Variants in VIPR2 observed in about 807,000 individuals in gnomAD.
The protein encoded by VIPR2 is vasoactive intestinal peptide receptor 2.
VIPR2 carries 48 observed loss-of-function variants against 58.0 expected under a neutral mutation model. The observed-to-expected ratio is 0.83, with a 90% confidence interval of 0.66 to 1.05. VIPR2 has a LOEUF of 1.05. Among genes scored for constraint, VIPR2 ranks in the 50% least tolerant of loss-of-function variants. The probability of loss-of-function intolerance (pLI) is 0.00; values close to 1 mark genes in which losing one functional copy is unlikely to be tolerated. For missense variants in VIPR2, 534 were observed against 558.0 expected (o/e 0.96, Z 0.43); for synonymous variants, 243 against 235.2 (o/e 1.03, Z -0.30).
chr7:159,032,210 G>GA (rs931957373), intron 10 of VIPR2, 143 bp from the exon 11 acceptor site: 43 of 1,190,394 alleles, frequency 3.6e-5, no homozygotes, highest in Admixed American at 2.7e-4. Context: ...CGCCCAACAA[G>GA]AAAAACCACT....
At chr7:159,061,512 G>T (rs1440129305) in intron 4 of VIPR2, among the ~76,000 whole-genome samples, 1 of 151,896 alleles carries the variant, frequency 6.6e-6, no homozygotes, top group East Asian at 1.9e-4. Context: ...AATTAGCCGG[G>T]TGTGGCTGTG....
At chr7:159,140,181 T>A (rs1454495558) in intron 2 of VIPR2, among the ~76,000 whole-genome samples, 2 of 152,128 alleles carry the variant, frequency 1.3e-5, no homozygotes, top group African/African-American at 4.8e-5. Flanking sequence ...TTTTTTCACC[T>A]CATTTCTGGC....
At chr7:159,067,187 C>T (rs1013129868) in intron 4 of VIPR2, among the ~76,000 whole-genome samples, 13 of 152,168 alleles carry the variant, frequency 8.5e-5, no homozygotes, top group Admixed American at 3.3e-4. Flanking sequence ...AGAGACCATA[C>T]GACCACCATT....
intron 4 of VIPR2, among the ~76,000 whole-genome samples, chr7:159,077,878 A>C (rs1285826777): frequency 6.6e-6 from 1 of 152,214 alleles, no homozygotes; most frequent in African/African-American, 2.4e-5. Context: ...CTGCAACTTG[A>C]GTTTTTCCTT....
At chr7:159,142,682 A>C (rs769794287) in intron 1 of VIPR2, 137 bp from the exon 2 acceptor site, 17 of 555,558 alleles carry the variant, frequency 3.1e-5, no homozygotes, top group Non-Finnish European at 4.4e-5. Context: ...AAAACCAATC[A>C]CCTTGATTTT....
rs1857980526 is a variant in VIPR2 at position 159,098,185 on chromosome 7, T to C, written c.357+5572A>G. Reference sequence around the variant, plus strand: ...ATCCATCAGCACAGAAGAGTTGTGATGGGATGAAGGGCAGGGCAGGGCAGG... The same window carrying C: ...ATCCATCAGCACAGAAGAGTTGTGACGGGATGAAGGGCAGGGCAGGGCAGG... On this transcript the variant is annotated intron_variant, in intron 4 of 12. Coordinates refer to ENST00000262178, the MANE Select transcript of VIPR2 (RefSeq NM_003382.5). The surrounding 1 kb of genome is among the most constrained non-coding windows in gnomAD (Gnocchi z 5.2). Among the ~76,000 whole-genome samples, 1 of 152,098 alleles carries C rather than the reference T, an allele frequency of 6.6e-6. No homozygotes were observed. Among genetic ancestry groups the C allele is most frequent in the Non-Finnish European group, 1.5e-5 (1 of 68,002 alleles).
intron 4 of VIPR2, among the ~76,000 whole-genome samples, chr7:159,073,867 G>T (rs551533920): frequency 1.3e-5 from 2 of 152,200 alleles, no homozygotes; most frequent in African/African-American, 4.8e-5. Context: ...TAAGGGAGAC[G>T]TGGAACCTTT....
rs552932929 is a variant in VIPR2 at position 159,122,745 on chromosome 7, T to C, written c.152-12826A>G. Among the ~76,000 whole-genome samples the C allele has an allele frequency of 3.9e-5, 6 of 152,314 alleles. No individual in the cohort carries two copies. The South Asian group carries it at 1.0e-3, about 26-fold the overall frequency. On this transcript the variant is annotated intron_variant, in intron 2 of 12. Transcript: ENST00000262178. The stretch of plus-strand genomic sequence containing the variant: ...TTGTAGAAAAACTAATTATCTTCAT[T>C]TTGGCCATCAAAGCCATTGATCCTC...
intron 4 of VIPR2, among the ~76,000 whole-genome samples, chr7:159,067,023 G>A (rs56075930): frequency 0.031 from 4,644 of 152,226 alleles, 113 homozygotes; most frequent in African/African-American, 0.06. Flanking sequence ...TACTGAGATC[G>A]AAGTTAATTA....
intron 5 of VIPR2, among the ~76,000 whole-genome samples, chr7:159,046,159 A>C (rs973112535): frequency 6.6e-6 from 1 of 152,188 alleles, no homozygotes; most frequent in Non-Finnish European, 1.5e-5. Context: ...TGTGGAAAGC[A>C]GTTTGGTGGT....
chr7:159,120,525 C>T (rs1458780428), intron 2 of VIPR2, among the ~76,000 whole-genome samples: 1 of 152,222 alleles, frequency 6.6e-6, no homozygotes, highest in Non-Finnish European at 1.5e-5. Context: ...TGACAATACA[C>T]ATGCCTCACT....
intron 4 of VIPR2, among the ~76,000 whole-genome samples, chr7:159,081,796 T>G (rs1353704638): frequency 6.6e-6 from 1 of 152,060 alleles, no homozygotes; most frequent in African/African-American, 2.4e-5. Flanking sequence ...CATCAAAAAG[T>G]GAGCGAAGGA....
chr7:159,083,563 C>T (rs368579023), intron 4 of VIPR2, among the ~76,000 whole-genome samples: 105 of 152,294 alleles, frequency 6.9e-4, no homozygotes, highest in African/African-American at 2.2e-3. Context: ...TTCCAGGCAG[C>T]GAGCCACCAG....
intron 2 of VIPR2, among the ~76,000 whole-genome samples, chr7:159,121,996 G>A (rs185444344): frequency 1.2e-4 from 18 of 152,356 alleles, no homozygotes; most frequent in Admixed American, 8.5e-4. Context: ...CAAAAGCCAA[G>A]ACGTGAAAAG....
chr7:159,108,627 G>T (rs147837888), intron 3 of VIPR2, among the ~76,000 whole-genome samples: 3 of 152,326 alleles, frequency 2.0e-5, no homozygotes, highest in Non-Finnish European at 4.4e-5. Flanking sequence ...ACTGACCTGG[G>T]CGCCTGGTGC....
intron 4 of VIPR2, among the ~76,000 whole-genome samples, chr7:159,087,008 G>C (rs1038521319): frequency 3.9e-5 from 6 of 152,220 alleles, no homozygotes; most frequent in Admixed American, 1.3e-4. Flanking sequence ...CCCATAGTGA[G>C]ATACGTCTTC....
At position 159,093,736 on chromosome 7, in the gene VIPR2, C is replaced by A. The variant is rs1409523466; in HGVS notation, c.357+10021G>T. Among the ~76,000 whole-genome samples, 1 of 151,004 alleles carries A rather than the reference C, an allele frequency of 6.6e-6. No homozygotes were observed. Among genetic ancestry groups the A allele is most frequent in the Non-Finnish European group, 1.5e-5 (1 of 67,696 alleles). ...GTCCCTGGGTCCGGACATGGGAGAC[C>A]CCGCAGCGTCCCTGGGTCCGGAGAT... is the stretch of plus-strand genomic sequence containing the variant. On this transcript the variant is annotated intron_variant, in intron 4 of 12. Coordinates refer to ENST00000262178, the MANE Select transcript of VIPR2 (RefSeq NM_003382.5). This position sits in a 1 kb window ranked among gnomAD's most constrained non-coding sequence, Gnocchi z 6.7.
At chr7:159,113,069 A>G (rs1290773242) in intron 2 of VIPR2, among the ~76,000 whole-genome samples, 3 of 152,224 alleles carry the variant, frequency 2.0e-5, no homozygotes, top group African/African-American at 7.2e-5. Context: ...GTGAGAGAAG[A>G]GAGACAGACC....
At chr7:159,035,542 G>A (rs1853883692) in intron 8 of VIPR2, among the ~76,000 whole-genome samples, 1 of 152,230 alleles carries the variant, frequency 6.6e-6, no homozygotes, top group Non-Finnish European at 1.5e-5. Flanking sequence ...AGCGCTCTGG[G>A]CCGCATGAGC....
Sources: gnomAD v4.1 joint callset for allele counts (sites outside exome capture counted in the v4.1 genomes callset) on GRCh38, gnomAD v4.1.1 for gene constraint, Gnocchi (gnomAD v3.1) non-coding constraint, MANE v1.5 for transcripts, NCBI Gene and HGNC (gene_info 2026-07-23, HGNC 2026-07-21) for gene names.